OR56B2: variants seen among roughly 807,000 people sequenced by gnomAD.
The protein encoded by OR56B2 is olfactory receptor family 56 subfamily B member 2.
chr11:5,761,823 C>G, the OR56B2 span, among the ~76,000 whole-genome samples: 1 of 151,984 alleles, frequency 6.6e-6, no homozygotes, highest in Non-Finnish European at 1.5e-5. Context: ...TTAACACACT[C>G]CAGAATCTAG....
At chr11:5,762,808 T>C in the OR56B2 span, among the ~76,000 whole-genome samples, 36 of 152,204 alleles carry the variant, frequency 2.4e-4, no homozygotes, top group South Asian at 1.0e-3. Flanking sequence ...CGTATTTATT[T>C]AAAGAAATAT....
chr11:5,768,081 C>G, the OR56B2 span, among the ~76,000 whole-genome samples: 1 of 138,398 alleles, frequency 7.2e-6, no homozygotes, highest in African/African-American at 2.6e-5. Flanking sequence ...GGTACAACTG[C>G]TTTTTGATAC....
chr11:5,767,907 G>A, the OR56B2 span, among the ~76,000 whole-genome samples: 3 of 139,056 alleles, frequency 2.2e-5, no homozygotes, highest in African/African-American at 7.9e-5. Flanking sequence ...AGGGAATGGA[G>A]ACTCCAGGCA....
At chr11:5,763,755 T>A in the OR56B2 span, among the ~76,000 whole-genome samples, 1 of 140,586 alleles carries the variant, frequency 7.1e-6, no homozygotes, top group African/African-American at 2.6e-5. Flanking sequence ...TGTCTGTCTC[T>A]TGGGGAAAAA....
the OR56B2 span, chr11:5,767,025 A>T: frequency 2.1e-5 from 3 of 140,280 alleles, 1 homozygote; most frequent in Non-Finnish European, 4.7e-5. Flanking sequence ...AGAATACCTA[A>T]TACTGAGTTA....
the OR56B2 span, among the ~76,000 whole-genome samples, chr11:5,768,380 G>A: frequency 5.7e-5 from 8 of 139,768 alleles, 2 homozygotes; most frequent in East Asian, 2.1e-4. Flanking sequence ...ATCTATGCAC[G>A]TTGCTGCAAA....
At chr11:5,764,006 G>C in the OR56B2 span, among the ~76,000 whole-genome samples, 2 of 140,328 alleles carry the variant, frequency 1.4e-5, no homozygotes, top group Non-Finnish European at 3.1e-5. Context: ...TATCGACCAA[G>C]TCAACATAAC....
the OR56B2 span, among the ~76,000 whole-genome samples, chr11:5,768,009 A>G: frequency 1.4e-5 from 2 of 139,650 alleles, no homozygotes; most frequent in Non-Finnish European, 3.2e-5. Flanking sequence ...GCACAGCATA[A>G]TGAATGTAGT....
the OR56B2 span, among the ~76,000 whole-genome samples, chr11:5,762,948 A>G: frequency 6.6e-6 from 1 of 152,078 alleles, no homozygotes; most frequent in Non-Finnish European, 1.5e-5. Flanking sequence ...TAATGTTATT[A>G]TCATTTCACA....
chr11:5,764,258 C>T, the OR56B2 span, among the ~76,000 whole-genome samples: 10 of 140,698 alleles, frequency 7.1e-5, no homozygotes, highest in African/African-American at 2.3e-4. Context: ...GGCCTTATGC[C>T]AAAGCATTGC....
chr11:5,768,766 A>G, the OR56B2 span, among the ~76,000 whole-genome samples: 7 of 140,292 alleles, frequency 5.0e-5, 1 homozygote, highest in African/African-American at 1.8e-4. Context: ...TAGATGTCTG[A>G]GAACAGGAAA....
chr11:5,766,054 C>T, the OR56B2 span: 1 of 140,578 alleles, frequency 7.1e-6, no homozygotes, highest in African/African-American at 2.6e-5. Context: ...GAGTGAAGGG[C>T]ACCTGATATG....
At chr11:5,763,236 G>T in the OR56B2 span, among the ~76,000 whole-genome samples, 1 of 151,750 alleles carries the variant, frequency 6.6e-6, no homozygotes, top group African/African-American at 2.4e-5. Context: ...TGAGATATCC[G>T]CTATACTCTT....
the OR56B2 span, among the ~76,000 whole-genome samples, chr11:5,763,999 C>T: frequency 7.1e-6 from 1 of 140,298 alleles, no homozygotes; most frequent in Non-Finnish European, 1.6e-5. Context: ...GTGAATATAT[C>T]GACCAAGTCA....
At chr11:5,761,261 G>C in the OR56B2 span, 1 of 152,190 alleles carries the variant, frequency 6.6e-6, no homozygotes, top group Middle Eastern at 3.1e-3. Flanking sequence ...GCTGGGGCCA[G>C]AGTCAGTCTT....
chr11:5,767,943 T>C, the OR56B2 span, among the ~76,000 whole-genome samples: 5 of 139,804 alleles, frequency 3.6e-5, 1 homozygote, highest in African/African-American at 1.0e-4. Flanking sequence ...CTAATAGTTA[T>C]GAAGTTTCCT....
chr11:5,764,873 T>C, the OR56B2 span, among the ~76,000 whole-genome samples: 2 of 139,162 alleles, frequency 1.4e-5, no homozygotes, highest in East Asian at 4.1e-4. Context: ...TATGAGAAAA[T>C]GGAAAAAATA....
At chr11:5,765,628 C>G in the OR56B2 span, 1 of 140,606 alleles carries the variant, frequency 7.1e-6, no homozygotes, top group African/African-American at 2.6e-5. Flanking sequence ...CATTACTGCT[C>G]CCAGAATCAA....
the OR56B2 span, among the ~76,000 whole-genome samples, chr11:5,768,705 T>G: frequency 3.6e-5 from 5 of 140,008 alleles, no homozygotes; most frequent in African/African-American, 1.3e-4. Context: ...CTGCAAAAAT[T>G]ATTCTCTACA....
Sources: gnomAD v4.1 joint callset for allele counts (sites outside exome capture counted in the v4.1 genomes callset) on GRCh38, gnomAD v4.1.1 for gene constraint, MANE v1.5 for transcripts, NCBI Gene and HGNC (gene_info 2026-07-23, HGNC 2026-07-21) for gene names.